The following SF3B4 variants were observed in gnomAD, a reference collection of about 807,000 sequenced individuals.
SF3B4 encodes splicing factor 3b subunit 4.
Under a neutral mutation model 34.3 loss-of-function variants are expected in SF3B4, and 3 were observed. The ratio of observed to expected loss-of-function variants is 0.09; its 90% confidence interval spans 0.04 to 0.23. The LOEUF is 0.23. SF3B4 is among the 10% of genes least tolerant of loss of function. The probability of loss-of-function intolerance (pLI) is 1.00; values close to 1 mark genes in which losing one functional copy is unlikely to be tolerated. For missense variants in SF3B4, 283 were observed against 567.2 expected (o/e 0.50, Z 5.09); for synonymous variants, 216 against 207.8 (o/e 1.04, Z -0.34).
chr1:149,927,715 C>T lies in SF3B4; in HGVS notation c.34+11G>A. The T allele has an allele frequency of 6.4e-7, 1 of 1,552,912 alleles. No individual in the cohort carries two copies. Among genetic ancestry groups the T allele is most frequent in the Non-Finnish European group, 8.7e-7 (1 of 1,147,624 alleles). On this transcript the variant is annotated intron_variant, in intron 1 of 5. Transcript: ENST00000271628. ...CGCTGAGCCCATTCCAGACTTTCCC[C>T]CTCCAGTTACCCTGATTCCGCTCGG... is the stretch of plus-strand genomic sequence containing the variant.
Position 149,923,990 on chromosome 1 carries a change from T to C in SF3B4, c.938A>G (p.His313Arg), listed in dbSNP as rs1553765689. Residue 313 changes from histidine (H) to arginine (R), a missense_variant, in exon 5 of 6, where the codon CAC becomes CGC. This residue lies in a region of SF3B4 where 208 missense variants were observed against 292.6 expected (regional missense o/e 0.71). Coordinates refer to ENST00000271628, the MANE Select transcript of SF3B4 (RefSeq NM_005850.5). ...ATGTCCTAAGCCATGAGGGCCATGG[T>C]GTGCAAGCTGCATCTGAGACATCCC... ...HPGMSQMQLA[H>R]HGPHGLGHPH... is the part of the protein sequence containing the mutation. 2.6e-6 allele frequency: 4 copies of C among 1,560,172 alleles called. No individual in the cohort carries two copies. The highest frequency in any genetic ancestry group is 3.4e-6 in the Non-Finnish European group (4 of 1,161,920).
rs1410422627 is a variant in SF3B4, at chr1:149,926,692, G to A, written c.390C>T (p.Pro130=). The part of the protein sequence containing the change: ...FSAFGVILQT[P]KIMRDPDTGN... ...CTGTGTCAGGGTCCCGCATAATTTT[G>A]GGGGTTTGTAAGATGACCCCAAAGG... The change falls in exon 3 of 6, where the codon CCC becomes CCT. Residue 130 remains proline (P), a synonymous_variant. Coordinates refer to ENST00000271628, the MANE Select transcript of SF3B4 (RefSeq NM_005850.5). The surrounding 1 kb of genome is among the most constrained non-coding windows in gnomAD (Gnocchi z 6.2). 6.2e-7 allele frequency: 1 copy of A among 1,613,948 alleles called. No individual in the cohort carries two copies. Among genetic ancestry groups the A allele is most frequent in the East Asian group, 2.2e-5 (1 of 44,902 alleles).
chr1:149,927,610 C>T, intron 1 of SF3B4, 116 bp downstream of exon 1: 1 of 1,383,704 alleles, frequency 7.2e-7, no homozygotes, highest in South Asian at 1.2e-5. Context: ...GGGCCGGTCT[C>T]GCGCCCTCTG....
chr1:149,927,565 G>A, intron 1 of SF3B4, 161 bp downstream of exon 1: 4 of 956,930 alleles, frequency 4.2e-6, no homozygotes, highest in Non-Finnish European at 4.7e-6. Context: ...AGAGGCCTCA[G>A]CCAGCACCCG....
intron 4 of SF3B4, among the ~76,000 whole-genome samples, chr1:149,924,230 T>A (rs933272820): frequency 2.7e-5 from 4 of 150,206 alleles, no homozygotes; most frequent in Admixed American, 6.6e-5. Context: ...AGCCCAGGAG[T>A]TCAAGAACAG....
rs782327394 is a variant in SF3B4 at position 149,926,937 on chromosome 1, G to A, written c.164-19C>T. The A allele has an allele frequency of 1.3e-6, 2 of 1,582,662 alleles. No individual in the cohort carries two copies. Among genetic ancestry groups the A allele is most frequent in the Admixed American group, 3.7e-5 (2 of 53,746 alleles). The stretch of plus-strand genomic sequence containing the variant: ...CCATAGCCTGGAAAAGTGGAGAAGA[G>A]GAGGTTAACAACGTAAGTAAAGAGA... On this transcript the variant is annotated intron_variant, in intron 2 of 5. Transcript: ENST00000271628. The surrounding 1 kb of genome is among the most constrained non-coding windows in gnomAD (Gnocchi z 6.2).
At chr1:149,924,063 G>A in intron 4 of SF3B4, 49 bp from the exon 5 acceptor site, 2 of 1,419,208 alleles carry the variant, frequency 1.4e-6, no homozygotes, top group Admixed American at 3.0e-5. Flanking sequence ...AGAGAAGGAG[G>A]CAAAGAAAAT....
intron 4 of SF3B4, among the ~76,000 whole-genome samples, chr1:149,924,485 C>T (rs1395803370): frequency 1.3e-5 from 2 of 152,038 alleles, no homozygotes; most frequent in African/African-American, 4.8e-5. Flanking sequence ...GCTCCCTATC[C>T]TTGACCCTAT....
At chr1:149,927,401 A>AGGGG in intron 1 of SF3B4, 107 bp from the exon 2 acceptor site, 1 of 1,340,400 alleles carries the variant, frequency 7.5e-7, no homozygotes, top group African/African-American at 1.5e-5. Flanking sequence ...GGACCGCGGT[A>AGGGG]GGGGACAGGA....
At chr1:149,927,599 A>G in intron 1 of SF3B4, 127 bp downstream of exon 1, 2 of 1,268,104 alleles carry the variant, frequency 1.6e-6, no homozygotes, top group Non-Finnish European at 2.2e-6. Context: ...CAACAGGCAG[A>G]GGGCCGGTCT....
Position 149,927,784 on chromosome 1 carries a change from C to G in SF3B4, c.-25G>C, listed in dbSNP as rs199754113. On this transcript the variant is annotated 5_prime_UTR_variant, in exon 1 of 6. Transcript: ENST00000271628. ...TGGCGAAAGAGATCCCGCCGTCTCCCAGCAGCGGTTCCGCCTTCTGACCTC... is the reference window on the plus strand; with the variant it reads ...TGGCGAAAGAGATCCCGCCGTCTCCGAGCAGCGGTTCCGCCTTCTGACCTC... 1.9e-6 allele frequency: 3 copies of G among 1,552,076 alleles called. No individual in the cohort carries two copies. The Admixed American group carries it at 5.9e-5, about 30-fold the overall frequency.
At chr1:149,924,156 T>G in intron 4 of SF3B4, 142 bp from the exon 5 acceptor site, 2 of 730,544 alleles carry the variant, frequency 2.7e-6, no homozygotes, top group Non-Finnish European at 4.3e-6. Context: ...AAAATAAGGC[T>G]GGCTGGGCAC....
chr1:149,923,436 T>G lies in SF3B4; in HGVS notation c.*106A>C. On this transcript the variant is annotated 3_prime_UTR_variant, in exon 6 of 6. Transcript: ENST00000271628. The stretch of plus-strand genomic sequence containing the variant: ...AAAAAGGGGAATGGAGTGGGGGTGC[T>G]GAAAGGGATTAGTACCTTTGCCCCA... 1.2e-6 allele frequency: 1 copy of G among 824,150 alleles called. No homozygotes were observed. Among genetic ancestry groups the G allele is most frequent in the Non-Finnish European group, 1.8e-6 (1 of 543,104 alleles). The allele number at this position is 824,150 out of a possible 1,614,324, so 51.1% of individuals were successfully genotyped here. A position where few individuals can be genotyped will look rare whatever the true frequency, so the allele number is the denominator to read the frequency against.
intron 1 of SF3B4, 149 bp downstream of exon 1, chr1:149,927,577 C>T (rs1474393308): frequency 2.8e-6 from 3 of 1,063,798 alleles, no homozygotes; most frequent in African/African-American, 3.2e-5. Flanking sequence ...CAGCACCCGG[C>T]CACCCCGCCC....
In SF3B4 at chr1:149,923,352, T is replaced by C; in HGVS notation, c.*190A>G. ...GTTTAGTTTTATTTTCTCTGTGCAT[T>C]TGCAAAATACTCAGGACCAACATAA... On this transcript the variant is annotated 3_prime_UTR_variant, in exon 6 of 6. Transcript: ENST00000271628. The C allele has an allele frequency of 1.9e-6, 1 of 523,348 alleles. No homozygotes were observed. Among genetic ancestry groups the C allele is most frequent in the Non-Finnish European group, 3.4e-6 (1 of 296,416 alleles). 32.4% of individuals were successfully genotyped at this position (523,348 alleles called of 1,614,324 possible). A position where few individuals can be genotyped will look rare whatever the true frequency, so the allele number is the denominator to read the frequency against.
chr1:149,923,681 A>G lies in SF3B4; in HGVS notation c.1136T>C (p.Leu379Pro). ...GCCAGTGTATCCATGGGGGGGCATC[A>G]GTGGAGGAGGTCCACGCATACCATG... ...PPHGMRGPPPLMPPHGYTGPP... is the reference protein window; with the variant it reads ...PPHGMRGPPPPMPPHGYTGPP... Residue 379 changes from leucine to proline, a missense_variant, in exon 6 of 6, where the codon CTG becomes CCG. Physicochemically the swap from Leu to Pro is moderately conservative, Grantham distance 98. Transcript: ENST00000271628. 1 of 1,525,404 alleles carries G rather than the reference A, an allele frequency of 6.6e-7. No homozygotes were observed. Among genetic ancestry groups the G allele is most frequent in the Admixed American group, 2.5e-5 (1 of 39,614 alleles). The allele number at this position is 1,525,404 out of a possible 1,614,324, so 94.5% of individuals were successfully genotyped here.
intron 1 of SF3B4, 106 bp from the exon 2 acceptor site, chr1:149,927,400 TA>T: frequency 7.1e-7 from 1 of 1,399,340 alleles, no homozygotes; most frequent in Non-Finnish European, 9.9e-7. Flanking sequence ...GGGACCGCGG[TA>T]GGGGACAGGA....
chr1:149,923,760 G>A, intron 5 of SF3B4, 31 bp from the exon 6 acceptor site: 6 of 1,513,142 alleles, frequency 4.0e-6, no homozygotes, highest in South Asian at 2.7e-5. Context: ...GTTAGTAAGG[G>A]CACGGGACAA....
intron 4 of SF3B4, among the ~76,000 whole-genome samples, chr1:149,924,841 G>A (rs190552552): frequency 6.6e-6 from 1 of 152,276 alleles, no homozygotes; most frequent in East Asian, 1.9e-4. Context: ...TAGAAATGAG[G>A]GGCAGGGGCC....
Sources: allele counts gnomAD v4.1 joint callset (sites outside exome capture counted in the v4.1 genomes callset), GRCh38; gene constraint gnomAD v4.1.1; regional missense constraint gnomAD v4.1.1; non-coding constraint Gnocchi (gnomAD v3.1); transcripts MANE v1.5; gene names NCBI Gene and HGNC (gene_info 2026-07-23, HGNC 2026-07-21).